PRKN: variants seen among roughly 807,000 people sequenced by gnomAD.
PRKN encodes E3 ubiquitin-protein ligase parkin.
A neutral mutation model predicts 59.5 loss-of-function variants in PRKN; 56 were observed. That is an observed-to-expected ratio of 0.94 (90% CI 0.76 to 1.18). The LOEUF is 1.18. PRKN is among the 50% of genes most tolerant of loss of function. PRKN has a pLI of 0.00. For missense variants in PRKN, 657 were observed against 596.4 expected (o/e 1.10, Z -1.06); for synonymous variants, 250 against 222.1 (o/e 1.13, Z -1.12).
intron 2 of PRKN, among the ~76,000 whole-genome samples, chr6:162,391,970 A>C (rs1379739563): frequency 2.4e-4 from 36 of 152,128 alleles, no homozygotes; most frequent in Non-Finnish European, 1.5e-5. Context: ...GGTAGTCTGT[A>C]TATCTTTATG....
At chr6:162,575,962 C>T (rs559840580) in intron 1 of PRKN, among the ~76,000 whole-genome samples, 1 of 152,276 alleles carries the variant, frequency 6.6e-6, no homozygotes, top group Admixed American at 6.5e-5. Context: ...AGCCATAAAA[C>T]CTGGGTCTTG....
At chr6:161,961,670 G>A (rs376925500) in intron 6 of PRKN, among the ~76,000 whole-genome samples, 2 of 152,246 alleles carry the variant, frequency 1.3e-5, no homozygotes, top group African/African-American at 2.4e-5. Context: ...CCCTGCCATC[G>A]ACAGAAATGC....
At position 162,010,569 on chromosome 6, in the gene PRKN, A is replaced by G. The variant is rs866448659; in HGVS notation, c.619-37152T>C. Among the ~76,000 whole-genome samples, 47 of 13,686 alleles carry G rather than the reference A, an allele frequency of 3.4e-3. 15 individuals are homozygous for G. The highest frequency in any genetic ancestry group is 4.8e-3 in the South Asian group (2 of 418). The allele number at this position is 13,686 out of a possible 152,430, so 9.0% of individuals were successfully genotyped here. On this transcript the variant is annotated intron_variant, in intron 5 of 11. Coordinates refer to ENST00000366898, the MANE Select transcript of PRKN (RefSeq NM_004562.3). ...TATATTATATATTATATAATATATT[A>G]TATAATGTATTATATTATATATAAT...
chr6:162,020,067 C>CTAATG lies in PRKN; in HGVS notation c.618+34019_618+34023dup, dbSNP rs376186019. Among the ~76,000 whole-genome samples the CTAATG allele has an allele frequency of 7.7e-3, 1,168 of 151,892 alleles. 9 individuals are homozygous for CTAATG. Among genetic ancestry groups the CTAATG allele is most frequent in the Non-Finnish European group, 0.011 (760 of 67,942 alleles). On this transcript the variant is annotated intron_variant, in intron 5 of 11. Transcript: ENST00000366898. ...CAAAGTGGTTTTGCTCAGCCTTGGTCTAATGTCAGCAGCACCTGTAAGTGC... is the reference window on the plus strand; with the variant it reads ...CAAAGTGGTTTTGCTCAGCCTTGGTCTAATGTAATGTCAGCAGCACCTGTAAGTGC...
At chr6:162,110,342 T>C (rs1780374283) in intron 4 of PRKN, among the ~76,000 whole-genome samples, 1 of 152,174 alleles carries the variant, frequency 6.6e-6, no homozygotes, top group Non-Finnish European at 1.5e-5. Flanking sequence ...TATGTCTAAA[T>C]GTAACAGCCA....
rs1441769583 is a variant in PRKN, at chr6:161,525,700, A to G, written c.1083+23154T>C. On this transcript the variant is annotated intron_variant, in intron 9 of 11. Coordinates refer to ENST00000366898, the MANE Select transcript of PRKN (RefSeq NM_004562.3). This position sits in a 1 kb window ranked among gnomAD's most constrained non-coding sequence, Gnocchi z 4.7. ...CCTGTACTTGGGATCTTTGAAGGCT[A>G]TACTATTTTAAAAAATTATTCTATT... Among the ~76,000 whole-genome samples the G allele has an allele frequency of 6.6e-6, 1 of 152,298 alleles. No individual in the cohort carries two copies. The highest frequency in any genetic ancestry group is 3.4e-3 in the Middle Eastern group (1 of 294).
chr6:162,356,771 G>C (rs1444146861), intron 2 of PRKN, among the ~76,000 whole-genome samples: 1 of 93,790 alleles, frequency 1.1e-5, no homozygotes, highest in Non-Finnish European at 2.2e-5. Flanking sequence ...AAAAAAAAAA[G>C]ATAAGATAGA....
chr6:162,377,070 G>A (rs1348383095), intron 2 of PRKN, among the ~76,000 whole-genome samples: 1 of 152,140 alleles, frequency 6.6e-6, no homozygotes, highest in Non-Finnish European at 1.5e-5. Context: ...GAACGAGGAC[G>A]TTCTGGTTGC....
At chr6:161,508,064 C>T (rs1046955183) in intron 9 of PRKN, among the ~76,000 whole-genome samples, 13 of 152,138 alleles carry the variant, frequency 8.5e-5, no homozygotes, top group Admixed American at 2.6e-4. Flanking sequence ...GTATCGCACA[C>T]GTTAGGCATA....
chr6:162,679,334 C>T (rs1779682533), intron 1 of PRKN, among the ~76,000 whole-genome samples: 1 of 152,006 alleles, frequency 6.6e-6, no homozygotes, highest in South Asian at 2.1e-4. Flanking sequence ...GGACTCCTGA[C>T]CTCAAGTGAT....
chr6:162,674,823 T>C (rs748610672), intron 1 of PRKN, among the ~76,000 whole-genome samples: 3 of 151,842 alleles, frequency 2.0e-5, no homozygotes, highest in Non-Finnish European at 4.4e-5. Context: ...TAATACAGAC[T>C]GGAAACAAGA....
intron 1 of PRKN, among the ~76,000 whole-genome samples, chr6:162,452,663 G>T (rs1790682368): frequency 6.6e-6 from 1 of 151,888 alleles, no homozygotes; most frequent in Admixed American, 6.6e-5. Flanking sequence ...TTCCAAAAAG[G>T]GCAGGAGATA....
chr6:161,858,127 G>A (rs1793731095), intron 6 of PRKN, among the ~76,000 whole-genome samples: 1 of 152,190 alleles, frequency 6.6e-6, no homozygotes, highest in Admixed American at 6.5e-5. Context: ...ATAATAAAGT[G>A]CTTGCCAGGG....
At chr6:162,142,246 C>A (rs115793005) in intron 4 of PRKN, among the ~76,000 whole-genome samples, 3 of 152,158 alleles carry the variant, frequency 2.0e-5, no homozygotes, top group African/African-American at 7.2e-5. Context: ...GGGTTACCTG[C>A]ACCAGAGAAT....
Position 161,757,840 on chromosome 6 carries a change from T to TCCCTCTCTCTCC in PRKN, c.871+27931_871+27932insGGAGAGAGAGGG, listed in dbSNP as rs1273935807. Among the ~76,000 whole-genome samples the TCCCTCTCTCTCC allele has an allele frequency of 8.0e-5, 8 of 100,130 alleles. 2 individuals carry two copies. Among genetic ancestry groups the TCCCTCTCTCTCC allele is most frequent in the East Asian group, 3.0e-4 (1 of 3,282 alleles). The allele number at this position is 100,130 out of a possible 152,430, so 65.7% of individuals were successfully genotyped here. A position where few individuals can be genotyped will look rare whatever the true frequency, so the allele number is the denominator to read the frequency against. ...GCAATAGAGCAAAACTCCATCTCTC[T>TCCCTCTCTCTCC]CTCTCTCTCTCTCTCTCTCTCTCTC... is the stretch of plus-strand genomic sequence containing the variant. On this transcript the variant is annotated intron_variant, in intron 7 of 11. Transcript: ENST00000366898.
chr6:161,929,296 A>G (rs1249804227), intron 6 of PRKN, among the ~76,000 whole-genome samples: 3 of 152,144 alleles, frequency 2.0e-5, no homozygotes, highest in Non-Finnish European at 4.4e-5. Flanking sequence ...AAAATAGCTT[A>G]GTGATTGCCA....
Position 162,261,500 on chromosome 6 carries a change from T to C in PRKN, c.412+1025A>G, listed in dbSNP as rs559573441. 2.4e-4 allele frequency among the ~76,000 whole-genome samples: 37 copies of C among 152,290 alleles called. No homozygotes were observed. The South Asian group carries it at 6.8e-3, about 28-fold the overall frequency. Reference sequence around the variant, plus strand: ...TCTGGTTGAAACGTCAGAATTGTTATGGGCTTGGGTTCGATATTTATATTA... The same window carrying C: ...TCTGGTTGAAACGTCAGAATTGTTACGGGCTTGGGTTCGATATTTATATTA... On this transcript the variant is annotated intron_variant, in intron 3 of 11. Coordinates refer to ENST00000366898, the MANE Select transcript of PRKN (RefSeq NM_004562.3).
intron 6 of PRKN, among the ~76,000 whole-genome samples, chr6:161,942,811 C>G (rs1194843347): frequency 2.6e-5 from 4 of 152,000 alleles, no homozygotes; most frequent in Admixed American, 2.0e-4. Flanking sequence ...TATCAGAGAT[C>G]TGTAATAAAA....
intron 5 of PRKN, among the ~76,000 whole-genome samples, chr6:162,011,093 A>T (rs1466155435): frequency 7.3e-4 from 7 of 9,632 alleles, no homozygotes; most frequent in East Asian, 4.7e-3. Flanking sequence ...ATATTATAAT[A>T]TATAATATAT....
Sources: allele counts gnomAD v4.1 joint callset (sites outside exome capture counted in the v4.1 genomes callset), GRCh38; gene constraint gnomAD v4.1.1; non-coding constraint Gnocchi (gnomAD v3.1); transcripts MANE v1.5; gene names NCBI Gene and HGNC (gene_info 2026-07-23, HGNC 2026-07-21).